LRRC1: variants seen among roughly 807,000 people sequenced by gnomAD.
The protein encoded by LRRC1 is leucine-rich repeat-containing protein 1.
A neutral mutation model predicts 69.9 loss-of-function variants in LRRC1; 28 were observed. The observed-to-expected ratio is 0.40, with a 90% CI of 0.30 to 0.55. The LOEUF (loss-of-function observed/expected upper bound fraction) is 0.55, where lower values mean the gene tolerates loss of function less well. Among genes scored for constraint, LRRC1 ranks in the 20% least tolerant of loss-of-function variants. The pLI, the probability that LRRC1 is intolerant of heterozygous loss-of-function variation, is 0.47. For missense variants in LRRC1, 498 were observed against 609.0 expected (o/e 0.82, Z 1.92); for synonymous variants, 236 against 240.2 (o/e 0.98, Z 0.16).
intron 1 of LRRC1, among the ~76,000 whole-genome samples, chr6:53,799,343 A>G (rs1764399316): frequency 6.6e-6 from 1 of 152,224 alleles, no homozygotes; most frequent in African/African-American, 2.4e-5. Context: ...CATAACCTCC[A>G]TGAGTGCAGA....
chr6:53,796,599 A>G (rs573803895), intron 1 of LRRC1, among the ~76,000 whole-genome samples: 1 of 152,340 alleles, frequency 6.6e-6, no homozygotes, highest in South Asian at 2.1e-4. Flanking sequence ...TGGAGCATTT[A>G]AACAATAAGA....
chr6:53,835,344 A>G (rs1218259628), intron 1 of LRRC1, among the ~76,000 whole-genome samples: 1 of 152,206 alleles, frequency 6.6e-6, no homozygotes, highest in African/African-American at 2.4e-5. Context: ...CTTTTGGCAC[A>G]GGGAAGGTAT....
intron 1 of LRRC1, among the ~76,000 whole-genome samples, chr6:53,833,739 G>A (rs369797568): frequency 8.6e-5 from 13 of 151,992 alleles, no homozygotes; most frequent in African/African-American, 3.1e-4. Flanking sequence ...TCTCTTTCAT[G>A]TATTTGTCTT....
chr6:53,809,942 G>A (rs776563793), intron 1 of LRRC1, among the ~76,000 whole-genome samples: 1 of 152,270 alleles, frequency 6.6e-6, no homozygotes. Context: ...GGTACCCTTA[G>A]CAGAGAAGAA....
intron 2 of LRRC1, among the ~76,000 whole-genome samples, chr6:53,861,757 A>C (rs1766533032): frequency 6.6e-6 from 1 of 151,820 alleles, no homozygotes; most frequent in Non-Finnish European, 1.5e-5. Flanking sequence ...TGTGTTACCC[A>C]GAGAAGGTTT....
intron 2 of LRRC1, among the ~76,000 whole-genome samples, chr6:53,855,427 C>T (rs1766278664): frequency 6.6e-6 from 1 of 152,138 alleles, no homozygotes; most frequent in Non-Finnish European, 1.5e-5. Context: ...TCAACACAGG[C>T]CCAACACAAA....
At chr6:53,830,337 A>C (rs1362757343) in intron 1 of LRRC1, among the ~76,000 whole-genome samples, 1 of 152,256 alleles carries the variant, frequency 6.6e-6, no homozygotes, top group East Asian at 1.9e-4. Flanking sequence ...ATCTAATCAG[A>C]TGTAACTTCA....
chr6:53,854,752 A>G (rs533681081), intron 2 of LRRC1, among the ~76,000 whole-genome samples: 2 of 152,326 alleles, frequency 1.3e-5, no homozygotes, highest in East Asian at 3.9e-4. Context: ...CATTTTATTT[A>G]TCTTTTTCTC....
chr6:53,878,810 T>C (rs888241447), intron 2 of LRRC1, among the ~76,000 whole-genome samples, 183 bp from the exon 3 acceptor site: 2 of 152,216 alleles, frequency 1.3e-5, no homozygotes, highest in African/African-American at 4.8e-5. Context: ...TGTGCTTCTG[T>C]TGAGAATATA....
chr6:53,869,426 G>A (rs550559392), intron 2 of LRRC1, among the ~76,000 whole-genome samples: 28 of 152,240 alleles, frequency 1.8e-4, no homozygotes, highest in Non-Finnish European at 3.2e-4. Context: ...TTTGTCCCCA[G>A]CAGAACATTT....
At chr6:53,807,293 A>G (rs564340159) in intron 1 of LRRC1, among the ~76,000 whole-genome samples, 4 of 151,858 alleles carry the variant, frequency 2.6e-5, no homozygotes, top group South Asian at 4.2e-4. Context: ...TCCCTCATTC[A>G]CTCCACATGC....
chr6:53,885,407 T>C (rs1767441170), intron 4 of LRRC1, among the ~76,000 whole-genome samples: 1 of 152,212 alleles, frequency 6.6e-6, no homozygotes, highest in Admixed American at 6.5e-5. Context: ...CAGTACAACT[T>C]CTTGGAGATG....
intron 1 of LRRC1, among the ~76,000 whole-genome samples, chr6:53,810,548 A>T (rs1440945434): frequency 6.6e-6 from 1 of 151,704 alleles, no homozygotes; most frequent in Non-Finnish European, 1.5e-5. Context: ...TAAACCCAGG[A>T]GGTGGGGCTT....
chr6:53,828,138 T>C (rs1050564202), intron 1 of LRRC1, among the ~76,000 whole-genome samples: 5 of 146,742 alleles, frequency 3.4e-5, no homozygotes, highest in African/African-American at 1.3e-4. Flanking sequence ...ATAGAACCCA[T>C]TGGAGAGTTG....
chr6:53,884,820 C>T (rs1767420671), intron 4 of LRRC1, among the ~76,000 whole-genome samples: 1 of 152,168 alleles, frequency 6.6e-6, no homozygotes. Context: ...TTTTAGAATA[C>T]ATTTTTTATA....
intron 4 of LRRC1, among the ~76,000 whole-genome samples, chr6:53,884,366 G>A (rs1158459738): frequency 1.3e-5 from 2 of 152,044 alleles, no homozygotes; most frequent in Non-Finnish European, 2.9e-5. Flanking sequence ...AATTAGCTGG[G>A]CCTGGTGGCC....
chr6:53,823,897 G>C (rs1215547092), intron 1 of LRRC1, among the ~76,000 whole-genome samples: 1 of 152,168 alleles, frequency 6.6e-6, no homozygotes, highest in Non-Finnish European at 1.5e-5. Flanking sequence ...ACCATTGAGG[G>C]ACATTTAGGT....
chr6:53,850,549 T>A (rs906967110), intron 2 of LRRC1, among the ~76,000 whole-genome samples: 4 of 152,252 alleles, frequency 2.6e-5, no homozygotes, highest in Admixed American at 6.5e-5. Flanking sequence ...TAACTAAAAC[T>A]CAGTGCATAA....
intron 12 of LRRC1, chr6:53,920,422 T>C (rs1398655060): frequency 3.9e-6 from 2 of 513,586 alleles, no homozygotes; most frequent in Admixed American, 3.3e-5. Flanking sequence ...GGGGCAACCT[T>C]GTCCCAGGCC....
Sources: gnomAD v4.1 joint callset for allele counts (sites outside exome capture counted in the v4.1 genomes callset) on GRCh38, gnomAD v4.1.1 for gene constraint, MANE v1.5 for transcripts, NCBI Gene and HGNC (gene_info 2026-07-23, HGNC 2026-07-21) for gene names.